The following TAC1 variants were observed in gnomAD, a reference collection of about 807,000 sequenced individuals.
The protein encoded by TAC1 is protachykinin-1.
TAC1 carries 12 observed loss-of-function variants against 21.7 expected under a neutral mutation model. The ratio of observed to expected loss-of-function variants is 0.55; its 90% CI spans 0.35 to 0.89. TAC1 has a LOEUF of 0.89. TAC1 is among the 40% of genes least tolerant of loss of function. The pLI, the probability that TAC1 is intolerant of heterozygous loss-of-function variation, is 0.01. For missense variants in TAC1, 128 were observed against 151.4 expected, an observed-to-expected ratio of 0.85 and a Z score of 0.81; for synonymous variants, 52 against 52.0, an observed-to-expected ratio of 1.00 and a Z score of 0.00.
In TAC1 at chr7:97,732,751, A is replaced by T; in HGVS notation, c.123+16A>T. On this transcript the variant is annotated intron_variant, in intron 2 of 6. Coordinates refer to ENST00000319273, the MANE Select transcript of TAC1 (RefSeq NM_003182.3). This position sits in a 1 kb window ranked among gnomAD's most constrained non-coding sequence, Gnocchi z 6.2. ...CCAGATCAAGGTGAGGCCCCTTCCC[A>T]GGACGGCCCGCACCCTTCTTCCTGG... 6.2e-7 allele frequency: 1 copy of T among 1,611,336 alleles called. No individual in the cohort carries two copies. Among genetic ancestry groups the T allele is most frequent in the Non-Finnish European group, 8.5e-7 (1 of 1,178,958 alleles).
At chr7:97,737,325 A>G (rs1157214783) in intron 6 of TAC1, among the ~76,000 whole-genome samples, 1 of 151,976 alleles carries the variant, frequency 6.6e-6, no homozygotes, top group Non-Finnish European at 1.5e-5. Flanking sequence ...GAATATTTCC[A>G]GTTTCTAGAC....
At chr7:97,735,188 A>T (rs1789553081) in intron 5 of TAC1, among the ~76,000 whole-genome samples, 1 of 152,136 alleles carries the variant, frequency 6.6e-6, no homozygotes, top group Non-Finnish European at 1.5e-5. Flanking sequence ...CACTGTAAAC[A>T]AACAAACAAA....
At chr7:97,737,053 C>T (rs1789589225) in intron 6 of TAC1, among the ~76,000 whole-genome samples, 1 of 151,990 alleles carries the variant, frequency 6.6e-6, no homozygotes, top group African/African-American at 2.4e-5. Flanking sequence ...TCCTTCTCTT[C>T]AATTTCCATC....
At chr7:97,733,635 C>A (rs971094584) in intron 2 of TAC1, 88 bp from the exon 3 acceptor site, 1 of 1,336,148 alleles carries the variant, frequency 7.5e-7, no homozygotes, top group Admixed American at 1.8e-5. Context: ...GCCTCGGGGC[C>A]GGAGTACAGC....
At chr7:97,735,910 A>C (rs1294078350) in intron 5 of TAC1, among the ~76,000 whole-genome samples, 1 of 152,122 alleles carries the variant, frequency 6.6e-6, no homozygotes, top group African/African-American at 2.4e-5. Flanking sequence ...ACTTGCTGAG[A>C]AGTACAACTT....
At chr7:97,733,691 A>T (rs750635590) in intron 2 of TAC1, 32 bp from the exon 3 acceptor site, 10 of 1,610,658 alleles carry the variant, frequency 6.2e-6, no homozygotes, top group Middle Eastern at 1.7e-4. Flanking sequence ...TGGTTGCCTT[A>T]CACGCCCTTT....
intron 2 of TAC1, chr7:97,733,226 A>G (rs1584415651): frequency 5.7e-6 from 1 of 175,918 alleles, no homozygotes; most frequent in East Asian, 1.6e-4. Context: ...CTGAGGATGT[A>G]GCTTGAAGTC....
Position 97,736,239 on chromosome 7 carries a change from A to G in TAC1, c.290-60A>G, listed in dbSNP as rs563831233. The G allele has an allele frequency of 4.8e-5, 67 of 1,410,456 alleles. No individual in the cohort carries two copies. In the African/African-American group the frequency reaches 7.9e-4, roughly 17 times the overall value. 87.4% of individuals were successfully genotyped at this position (1,410,456 alleles called of 1,614,324 possible). A position where few individuals can be genotyped will look rare whatever the true frequency, so the allele number is the denominator to read the frequency against. ...TTCAGAAGCTTGCTTTGTTCTGGTTATAATAGTTTGTTTCCTCAAAGATAT... is the reference window on the plus strand; with the variant it reads ...TTCAGAAGCTTGCTTTGTTCTGGTTGTAATAGTTTGTTTCCTCAAAGATAT... On this transcript the variant is annotated intron_variant, in intron 5 of 6. Coordinates refer to ENST00000319273, the MANE Select transcript of TAC1 (RefSeq NM_003182.3).
At chr7:97,733,523 TTG>T (rs1204773329) in intron 2 of TAC1, among the ~76,000 whole-genome samples, 198 bp from the exon 3 acceptor site, 1 of 152,008 alleles carries the variant, frequency 6.6e-6, no homozygotes, top group African/African-American at 2.4e-5. Flanking sequence ...CCTGGCAGGC[TTG>T]CGGGGGGCGG....
intron 2 of TAC1, among the ~76,000 whole-genome samples, chr7:97,733,322 T>TC (rs1186899866): frequency 1.3e-5 from 2 of 151,898 alleles, no homozygotes; most frequent in Non-Finnish European, 2.9e-5. Flanking sequence ...TTGTCACCCT[T>TC]CCCCACCGGA....
chr7:97,735,445 G>A (rs1389400971), intron 5 of TAC1, among the ~76,000 whole-genome samples: 1 of 152,176 alleles, frequency 6.6e-6, no homozygotes, highest in East Asian at 1.9e-4. Flanking sequence ...CAAAATTGTG[G>A]TATGTGAAGG....
At chr7:97,736,504 T>C (rs1789577477) in intron 6 of TAC1, 152 bp downstream of exon 6, 1 of 705,800 alleles carries the variant, frequency 1.4e-6, no homozygotes, top group Non-Finnish European at 2.4e-6. Flanking sequence ...TAACCACAAA[T>C]GGATTTATAG....
chr7:97,738,456 G>A (rs983305888), intron 6 of TAC1, among the ~76,000 whole-genome samples: 4 of 151,984 alleles, frequency 2.6e-5, no homozygotes, highest in African/African-American at 7.2e-5. Flanking sequence ...TAATTTCTCT[G>A]AGGAATAGAG....
intron 3 of TAC1, 102 bp from the exon 4 acceptor site, chr7:97,734,146 C>T (rs1584416460): frequency 1.7e-6 from 2 of 1,170,252 alleles, no homozygotes; most frequent in East Asian, 4.7e-5. Flanking sequence ...ATAGCATTCC[C>T]TGAGGTGAGA....
At chr7:97,734,903 A>C in intron 5 of TAC1, 54 bp downstream of exon 5, 1 of 1,366,966 alleles carries the variant, frequency 7.3e-7, no homozygotes, top group Non-Finnish European at 1.0e-6. Flanking sequence ...AATTATATTG[A>C]ATTTCACTTT....
In TAC1 at chr7:97,732,802, C is replaced by A. The variant is rs576265370; in HGVS notation, c.123+67C>A. The A allele has an allele frequency of 1.2e-4, 185 of 1,563,038 alleles. No individual in the cohort carries two copies. In the South Asian group the frequency reaches 2.0e-3, roughly 17 times the overall value. ...GCTCGGGAGCTGTCACCTTCCCACG[C>A]AACAGCACCCTAGTTAACGTGGCAC... On this transcript the variant is annotated intron_variant, in intron 2 of 6. Transcript: ENST00000319273. This position sits in a 1 kb window ranked among gnomAD's most constrained non-coding sequence, Gnocchi z 6.2.
chr7:97,737,290 A>AT (rs1723408811), intron 6 of TAC1, among the ~76,000 whole-genome samples: 1 of 152,030 alleles, frequency 6.6e-6, no homozygotes, highest in Admixed American at 6.6e-5. Flanking sequence ...ATTATAAAGT[A>AT]ATCAGCAGCT....
intron 4 of TAC1, among the ~76,000 whole-genome samples, 191 bp from the exon 5 acceptor site, chr7:97,734,633 ATT>A (rs1001048157): frequency 4.6e-5 from 7 of 151,926 alleles, no homozygotes; most frequent in African/African-American, 1.7e-4. Context: ...TAAAAATTCC[ATT>A]TGTTTGTTTA....
rs754462906 is a variant in TAC1, at chr7:97,732,756, G to A, written c.123+21G>A. On this transcript the variant is annotated intron_variant, in intron 2 of 6. Transcript: ENST00000319273. The surrounding 1 kb of genome is among the most constrained non-coding windows in gnomAD (Gnocchi z 6.2). ...TCAAGGTGAGGCCCCTTCCCAGGAC[G>A]GCCCGCACCCTTCTTCCTGGGCTCG... is the stretch of plus-strand genomic sequence containing the variant. 2 of 1,607,514 alleles carry A rather than the reference G, an allele frequency of 1.2e-6. No individual in the cohort carries two copies. The highest frequency in any genetic ancestry group is 8.5e-7 in the Non-Finnish European group (1 of 1,176,722).
Sources: allele counts gnomAD v4.1 joint callset (sites outside exome capture counted in the v4.1 genomes callset), GRCh38; gene constraint gnomAD v4.1.1; non-coding constraint Gnocchi (gnomAD v3.1); transcripts MANE v1.5; gene names NCBI Gene and HGNC (gene_info 2026-07-23, HGNC 2026-07-21).